Variants in TOLLIP observed in about 807,000 individuals in gnomAD.
The protein encoded by TOLLIP is toll interacting protein, also known as toll-interacting protein.
A neutral mutation model predicts 33.5 loss-of-function variants in TOLLIP; 16 were observed. The ratio of observed to expected loss-of-function variants is 0.48; its 90% CI spans 0.32 to 0.72. TOLLIP has a LOEUF of 0.72. TOLLIP is among the 30% of genes least tolerant of loss of function. TOLLIP has a pLI of 0.03. For missense variants in TOLLIP, 325 were observed against 396.6 expected (o/e 0.82, Z 1.53); for synonymous variants, 176 against 163.7 (o/e 1.07, Z -0.57).
intron 4 of TOLLIP, among the ~76,000 whole-genome samples, chr11:1,286,304 G>A (rs571085690): frequency 6.6e-6 from 1 of 152,344 alleles, no homozygotes; most frequent in South Asian, 2.1e-4. Flanking sequence ...AAATCCAGGA[G>A]GTGACATGGC....
chr11:1,289,968 G>T, intron 3 of TOLLIP: 1 of 480,022 alleles, frequency 2.1e-6, no homozygotes, highest in Non-Finnish European at 3.8e-6. Flanking sequence ...CAGCGGAGGG[G>T]ACACGTGCAC....
At chr11:1,304,847 GT>G (rs1864383819) in intron 1 of TOLLIP, among the ~76,000 whole-genome samples, 1 of 152,198 alleles carries the variant, frequency 6.6e-6, no homozygotes, top group Non-Finnish European at 1.5e-5. Flanking sequence ...AAGAAAACAT[GT>G]AAAAAATCTG....
rs914853150 is a variant in TOLLIP, at chr11:1,276,269, C to T, written c.*770G>A. 59 of 193,518 alleles carry T rather than the reference C, an allele frequency of 3.0e-4. No individual in the cohort carries two copies. Among genetic ancestry groups the T allele is most frequent in the Admixed American group, 1.7e-3 (32 of 18,550 alleles). The allele number at this position is 193,518 out of a possible 1,614,324, so 12.0% of individuals were successfully genotyped here. On this transcript the variant is annotated 3_prime_UTR_variant, in exon 6 of 6. Transcript: ENST00000317204. Reference sequence around the variant, plus strand: ...GAGAAGCTCCCTGGGAGGACACCCACGGAGCTGGCACGAGCGCAGCAGGAG... The same window carrying T: ...GAGAAGCTCCCTGGGAGGACACCCATGGAGCTGGCACGAGCGCAGCAGGAG...
intron 1 of TOLLIP, among the ~76,000 whole-genome samples, 190 bp downstream of exon 1, chr11:1,309,276 C>G (rs1209766161): frequency 6.6e-6 from 1 of 151,998 alleles, no homozygotes; most frequent in East Asian, 1.9e-4. Context: ...AGCGTGGGCG[C>G]GTCCGTCCGG....
Position 1,279,736 on chromosome 11 carries a change from C to T in TOLLIP, c.611-2483G>A, listed in dbSNP as rs1484703475. ...CAAAATCAAATTCTCTACTGACAAA[C>T]ACAAGGATACCCAGGAAAACCAAAA... On this transcript the variant is annotated intron_variant, in intron 5 of 5. Transcript: ENST00000317204. 2.6e-5 allele frequency among the ~76,000 whole-genome samples: 4 copies of T among 152,356 alleles called. No individual in the cohort carries two copies. In the East Asian group the frequency reaches 7.7e-4, roughly 29 times the overall value.
chr11:1,306,288 G>C (rs529385139), intron 1 of TOLLIP: 1 of 151,978 alleles, frequency 6.6e-6, no homozygotes, highest in African/African-American at 2.4e-5. Context: ...CTACCCACCC[G>C]GGCCCCTGAA....
At chr11:1,291,626 G>T (rs1370154619) in intron 2 of TOLLIP, among the ~76,000 whole-genome samples, 1 of 146,362 alleles carries the variant, frequency 6.8e-6, no homozygotes, top group Non-Finnish European at 1.5e-5. Context: ...CCGCCGCCCT[G>T]TTCTCACCGC....
At chr11:1,294,535 ACG>A in intron 2 of TOLLIP, among the ~76,000 whole-genome samples, 2 of 4,794 alleles carry the variant, frequency 4.2e-4, no homozygotes, top group Non-Finnish European at 6.7e-4. Flanking sequence ...CGCGTGGCTC[ACG>A]GTGTGTCTCC....
chr11:1,285,969 G>A, intron 5 of TOLLIP, 33 bp downstream of exon 5: 3 of 1,551,124 alleles, frequency 1.9e-6, no homozygotes, highest in Non-Finnish European at 2.6e-6. Flanking sequence ...GTTTCTACCA[G>A]GGGAGAGGCA....
Position 1,288,616 on chromosome 11 carries a change from C to T in TOLLIP, c.519+8G>A, listed in dbSNP as rs1328478988. On this transcript the variant is annotated splice_region_variant and intron_variant, in intron 4 of 5. Coordinates refer to ENST00000317204, the MANE Select transcript of TOLLIP (RefSeq NM_019009.4). ...ATGCGCCCCACCCCGCCCAGGCGTGCAGCTCACCGCGTAGGACATGACGAG... is the reference window on the plus strand; with the variant it reads ...ATGCGCCCCACCCCGCCCAGGCGTGTAGCTCACCGCGTAGGACATGACGAG... 1 of 1,607,186 alleles carries T rather than the reference C, an allele frequency of 6.2e-7. No homozygotes were observed. Among genetic ancestry groups the T allele is most frequent in the East Asian group, 2.2e-5 (1 of 44,784 alleles).
intron 1 of TOLLIP, 109 bp downstream of exon 1, chr11:1,309,357 G>A (rs1864524846): frequency 3.4e-6 from 2 of 595,958 alleles, no homozygotes; most frequent in South Asian, 1.6e-4. Context: ...TGCCCCGGGA[G>A]AGCCGCGGAG....
In TOLLIP at chr11:1,306,369, C is replaced by A. The variant is rs369144854; in HGVS notation, c.33+3097G>T. On this transcript the variant is annotated intron_variant, in intron 1 of 5. Coordinates refer to ENST00000317204, the MANE Select transcript of TOLLIP (RefSeq NM_019009.4). ...GCGGCCCCTCTGCTCCTTCACGGCC[C>A]ATGGGATCTTGCCGTCTCCCCTTAT... Among the ~76,000 whole-genome samples, 5 of 152,000 alleles carry A rather than the reference C, an allele frequency of 3.3e-5. No homozygotes were observed. The East Asian group carries it at 9.7e-4, about 30-fold the overall frequency.
intron 5 of TOLLIP, among the ~76,000 whole-genome samples, chr11:1,281,445 T>C (rs1032483773): frequency 4.6e-5 from 7 of 152,118 alleles, no homozygotes; most frequent in Non-Finnish European, 8.8e-5. Flanking sequence ...GCTTGCACTC[T>C]CCATAGAGGT....
At position 1,277,677 on chromosome 11, in the gene TOLLIP, A is replaced by C. The variant is rs1411700117; in HGVS notation, c.611-424T>G. 6.6e-6 allele frequency among the ~76,000 whole-genome samples: 1 copy of C among 152,136 alleles called. No homozygotes were observed. The highest frequency in any genetic ancestry group is 2.4e-5 in the African/African-American group (1 of 41,428). ...CTGCATCTGGGGACGGACTACACGGAATGTCACGCCCGCTGATCCAAACAC... is the reference window on the plus strand; with the variant it reads ...CTGCATCTGGGGACGGACTACACGGCATGTCACGCCCGCTGATCCAAACAC... On this transcript the variant is annotated intron_variant, in intron 5 of 5. Transcript: ENST00000317204. The surrounding 1 kb of genome is among the most constrained non-coding windows in gnomAD (Gnocchi z 4.2).
Position 1,303,578 on chromosome 11 carries a change from C to T in TOLLIP, c.33+5888G>A, listed in dbSNP as rs988218455. Among the ~76,000 whole-genome samples the T allele has an allele frequency of 6.6e-5, 10 of 152,350 alleles. No individual in the cohort carries two copies. The highest frequency in any genetic ancestry group is 2.1e-4 in the South Asian group (1 of 4,830). On this transcript the variant is annotated intron_variant, in intron 1 of 5. Transcript: ENST00000317204. The surrounding 1 kb of genome is among the most constrained non-coding windows in gnomAD (Gnocchi z 4.2). The stretch of plus-strand genomic sequence containing the variant: ...AGGGCAAGGCCGGGTGGCAGGGGCA[C>T]GCTGCACTTCCCACAGGGCAGCAAG...
Position 1,276,770 on chromosome 11 carries a change from G to T in TOLLIP, c.*269C>A, listed in dbSNP as rs1285068834. On this transcript the variant is annotated 3_prime_UTR_variant, in exon 6 of 6. Transcript: ENST00000317204. ...AAGAGCATTTTCCAGAACGGCATGA[G>T]AAGGAGAGACGCACGTCCCAGGGAC... The T allele has an allele frequency of 6.6e-7, 1 of 1,505,318 alleles. No individual in the cohort carries two copies. Among genetic ancestry groups the T allele is most frequent in the Non-Finnish European group, 8.9e-7 (1 of 1,127,280 alleles). The allele number at this position is 1,505,318 out of a possible 1,614,324, so 93.2% of individuals were successfully genotyped here. A position where few individuals can be genotyped will look rare whatever the true frequency, so the allele number is the denominator to read the frequency against.
At chr11:1,299,961 G>A (rs1273521536) in intron 1 of TOLLIP, among the ~76,000 whole-genome samples, 2 of 152,244 alleles carry the variant, frequency 1.3e-5, no homozygotes, top group African/African-American at 4.8e-5. Context: ...CCTGCTGCAG[G>A]GAGCCATAAG....
chr11:1,280,510 G>C (rs1863459463), intron 5 of TOLLIP, among the ~76,000 whole-genome samples: 1 of 152,062 alleles, frequency 6.6e-6, no homozygotes, highest in Non-Finnish European at 1.5e-5. Flanking sequence ...GTGAGGACGT[G>C]GGGGCAGCAG....
At chr11:1,293,201 C>T (rs1057095432) in intron 2 of TOLLIP, among the ~76,000 whole-genome samples, 4 of 152,204 alleles carry the variant, frequency 2.6e-5, no homozygotes, top group African/African-American at 9.7e-5. Flanking sequence ...CAGCCACCTG[C>T]GGACACGGGG....
Sources: allele counts gnomAD v4.1 joint callset (sites outside exome capture counted in the v4.1 genomes callset), GRCh38; gene constraint gnomAD v4.1.1; non-coding constraint Gnocchi (gnomAD v3.1); transcripts MANE v1.5; gene names NCBI Gene and HGNC (gene_info 2026-07-23, HGNC 2026-07-21).